AKT3: variants seen among roughly 807,000 people sequenced by gnomAD.
The protein encoded by AKT3 is RAC-gamma serine/threonine-protein kinase.
A neutral mutation model predicts 65.3 loss-of-function variants in AKT3; 15 were observed. The ratio of observed to expected loss-of-function variants is 0.23; its 90% CI spans 0.15 to 0.35. The LOEUF (loss-of-function observed/expected upper bound fraction) is 0.35, where lower values mean the gene tolerates loss of function less well. AKT3 is among the 10% of genes least tolerant of loss of function. The pLI, the probability that AKT3 is intolerant of heterozygous loss-of-function variation, is 1.00. For synonymous variants in AKT3, 206 were observed against 183.8 expected (o/e 1.12, Z -0.98); for missense variants, 243 against 576.5 (o/e 0.42, Z 5.92).
chr1:243,759,330 A>AAAATT lies in AKT3; in HGVS notation c.47-63619_47-63615dup, dbSNP rs74162710. ...GTAAAACCCTGTCTCACCAAAAAAT[A>AAAATT]AAATTAAATTAAATTAAATTAAATT... is the stretch of plus-strand genomic sequence containing the variant. On this transcript the variant is annotated intron_variant, in intron 2 of 13. Coordinates refer to ENST00000673466, the MANE Select transcript of AKT3 (RefSeq NM_005465.7). 9.1e-3 allele frequency among the ~76,000 whole-genome samples: 440 copies of AAAATT among 48,594 alleles called. 6 individuals are homozygous for AAAATT. Among genetic ancestry groups the AAAATT allele is most frequent in the African/African-American group, 0.013 (408 of 30,874 alleles). The allele number at this position is 48,594 out of a possible 152,430, so 31.9% of individuals were successfully genotyped here. A position where few individuals can be genotyped will look rare whatever the true frequency, so the allele number is the denominator to read the frequency against.
At chr1:243,689,399 A>T (rs1243395015) in intron 3 of AKT3, among the ~76,000 whole-genome samples, 1 of 151,580 alleles carries the variant, frequency 6.6e-6, no homozygotes, top group East Asian at 1.9e-4. Context: ...CTCTATCCCC[A>T]TGTATGTCCA....
At chr1:243,547,011 G>A (rs1161523178) in intron 11 of AKT3, 3 of 152,190 alleles carry the variant, frequency 2.0e-5, no homozygotes, top group African/African-American at 7.2e-5. Flanking sequence ...TTGGGATGGT[G>A]GAAGAAGATT....
intron 2 of AKT3, among the ~76,000 whole-genome samples, chr1:243,763,791 TTAC>T (rs1689644143): frequency 6.6e-6 from 1 of 152,294 alleles, no homozygotes; most frequent in Middle Eastern, 3.4e-3. Context: ...AGTTATTTGC[TTAC>T]TAATTTTAGA....
chr1:243,779,322 G>A (rs541547510), intron 2 of AKT3, among the ~76,000 whole-genome samples: 171 of 152,150 alleles, frequency 1.1e-3, no homozygotes, highest in African/African-American at 3.7e-3. Context: ...AAAGTTTGTA[G>A]GGACTCCTAC....
chr1:243,719,342 C>A (rs554662589), intron 2 of AKT3, among the ~76,000 whole-genome samples: 36 of 152,206 alleles, frequency 2.4e-4, no homozygotes, highest in Non-Finnish European at 4.6e-4. Flanking sequence ...AATTCCCTAA[C>A]AAAACATTCC....
At chr1:243,804,761 G>A (rs914227126) in intron 2 of AKT3, among the ~76,000 whole-genome samples, 3 of 151,786 alleles carry the variant, frequency 2.0e-5, no homozygotes, top group Admixed American at 6.6e-5. Context: ...GCAGGAGAAC[G>A]GCGTGAACCT....
intron 12 of AKT3, among the ~76,000 whole-genome samples, chr1:243,514,372 T>C (rs1311902379): frequency 6.6e-6 from 1 of 152,180 alleles, no homozygotes; most frequent in East Asian, 1.9e-4. Context: ...CAAAAGATTA[T>C]AGGGGAGCTT....
intron 13 of AKT3, among the ~76,000 whole-genome samples, chr1:243,510,641 G>A (rs139735251): frequency 1.1e-4 from 16 of 152,324 alleles, no homozygotes; most frequent in East Asian, 5.8e-4. Flanking sequence ...GCATGGTGAC[G>A]TGTGGCATGT....
At chr1:243,697,265 A>G (rs748335302) in intron 2 of AKT3, among the ~76,000 whole-genome samples, 5 of 152,028 alleles carry the variant, frequency 3.3e-5, no homozygotes, top group South Asian at 4.1e-4. Flanking sequence ...CATTTTTACA[A>G]ATCTATTTAA....
intron 2 of AKT3, among the ~76,000 whole-genome samples, chr1:243,832,461 C>A (rs1304866004): frequency 1.3e-5 from 2 of 152,106 alleles, no homozygotes; most frequent in Non-Finnish European, 2.9e-5. Flanking sequence ...AATTTCACTT[C>A]CAGTAGTAGT....
intron 12 of AKT3, among the ~76,000 whole-genome samples, chr1:243,537,463 T>C (rs895574695): frequency 3.3e-5 from 5 of 152,192 alleles, no homozygotes; most frequent in Admixed American, 3.3e-4. Flanking sequence ...CCCAGTATTA[T>C]CAGACTAAAA....
chr1:243,781,617 T>C (rs1690921797), intron 2 of AKT3, among the ~76,000 whole-genome samples: 1 of 152,234 alleles, frequency 6.6e-6, no homozygotes, highest in South Asian at 2.1e-4. Context: ...GGATTCCTAA[T>C]GCCACAATAA....
At chr1:243,585,785 T>C (rs189880264) in intron 8 of AKT3, among the ~76,000 whole-genome samples, 1 of 152,026 alleles carries the variant, frequency 6.6e-6, no homozygotes, top group East Asian at 1.9e-4. Context: ...ACTATAAGAA[T>C]CCTAGAAGAA....
downstream of AKT3, chr1:243,499,687 G>A: frequency 7.9e-7 from 1 of 1,261,374 alleles, no homozygotes; most frequent in Admixed American, 1.7e-5. Context: ...GACTAAACCA[G>A]CAAATGAGAA....
intron 2 of AKT3, among the ~76,000 whole-genome samples, chr1:243,730,891 A>G (rs1687516719): frequency 6.6e-6 from 1 of 152,204 alleles, no homozygotes; most frequent in South Asian, 2.1e-4. Context: ...CACCTCTGCC[A>G]GCACCCAGAG....
chr1:243,641,955 AAGTAAAT>A (rs995057197), intron 5 of AKT3, among the ~76,000 whole-genome samples: 16 of 152,252 alleles, frequency 1.1e-4, no homozygotes, highest in Admixed American at 3.9e-4. Context: ...ATAAATAAAT[AAGTAAAT>A]AGTAAAATTG....
intron 4 of AKT3, among the ~76,000 whole-genome samples, chr1:243,659,029 CA>C (rs34859631): frequency 3.6e-4 from 51 of 141,072 alleles, no homozygotes; most frequent in African/African-American, 1.1e-3. Context: ...GACCTTGTCT[CA>C]AAAAAAAAAG....
At chr1:243,805,137 T>G (rs1455386383) in intron 2 of AKT3, among the ~76,000 whole-genome samples, 2 of 152,174 alleles carry the variant, frequency 1.3e-5, no homozygotes, top group Non-Finnish European at 2.9e-5. Context: ...TGATTCTGCC[T>G]TCTCCAAATT....
chr1:243,752,653 A>G (rs1053759237), intron 2 of AKT3, among the ~76,000 whole-genome samples: 6 of 152,196 alleles, frequency 3.9e-5, no homozygotes, highest in African/African-American at 1.4e-4. Context: ...TTAAAATAAC[A>G]GAAACACTTT....
Sources: gnomAD v4.1 joint callset for allele counts (sites outside exome capture counted in the v4.1 genomes callset) on GRCh38, gnomAD v4.1.1 for gene constraint, MANE v1.5 for transcripts, NCBI Gene and HGNC (gene_info 2026-07-23, HGNC 2026-07-21) for gene names.